The following L3MBTL4 variants were observed in gnomAD, a reference collection of about 807,000 sequenced individuals.
The protein encoded by L3MBTL4 is lethal(3)malignant brain tumor-like protein 4.
Under a neutral mutation model 84.5 loss-of-function variants are expected in L3MBTL4, and 70 were observed. The ratio of observed to expected loss-of-function variants is 0.83; its 90% CI spans 0.68 to 1.01. The LOEUF is 1.01. Ranked by LOEUF, L3MBTL4 falls within the 50% of genes least tolerant of loss-of-function variation. The probability of loss-of-function intolerance (pLI) is 0.00; values close to 1 mark genes in which losing one functional copy is unlikely to be tolerated. For missense variants in L3MBTL4, 715 were observed against 754.8 expected, an observed-to-expected ratio of 0.95 and a Z score of 0.62; for synonymous variants, 274 against 259.8, an observed-to-expected ratio of 1.05 and a Z score of -0.52.
Position 6,093,453 on chromosome 18 carries a change from T to C in L3MBTL4, c.1275A>G (p.Thr425=), listed in dbSNP as rs1280270621. The part of the protein sequence containing the change: ...ATLHDRLREQ[T]QANLESDSSH... ...AAGAGTCTGATTCCAAATTTGCCTGTGTTTGTTCTCTCAAACGATCGTGAA... is the reference window on the plus strand; with the variant it reads ...AAGAGTCTGATTCCAAATTTGCCTGCGTTTGTTCTCTCAAACGATCGTGAA... The change falls in exon 15 of 19, where the codon ACA becomes ACG. Residue 425 remains threonine (T), a synonymous_variant. Coordinates refer to ENST00000317931, the MANE Select transcript of L3MBTL4 (RefSeq NM_001330559.2). 1 of 1,614,166 alleles carries C rather than the reference T, an allele frequency of 6.2e-7. No homozygotes were observed. Among genetic ancestry groups the C allele is most frequent in the Admixed American group, 1.7e-5 (1 of 60,026 alleles).
rs1038541807 is a variant in L3MBTL4 at position 6,299,835 on chromosome 18, A to G, written c.127+2068T>C. Among the ~76,000 whole-genome samples the G allele has an allele frequency of 2.6e-5, 4 of 151,648 alleles. No homozygotes were observed. In the East Asian group the frequency reaches 5.8e-4, roughly 22 times the overall value. On this transcript the variant is annotated intron_variant, in intron 4 of 18. Coordinates refer to ENST00000317931, the MANE Select transcript of L3MBTL4 (RefSeq NM_001330559.2). ...CAGGTGCACACCACCAGACCCGGCT[A>G]TTTTTTTTGTATTTGTGGTAGAGAT...
At chr18:6,148,320 T>C (rs986727316) in intron 13 of L3MBTL4, among the ~76,000 whole-genome samples, 8 of 152,254 alleles carry the variant, frequency 5.3e-5, no homozygotes, top group Non-Finnish European at 1.0e-4. Context: ...GATTGTTTTA[T>C]TACTCAGTTT....
intron 16 of L3MBTL4, among the ~76,000 whole-genome samples, chr18:5,997,735 C>A (rs2054039813): frequency 6.6e-6 from 1 of 152,012 alleles, no homozygotes; most frequent in Non-Finnish European, 1.5e-5. Context: ...GGGCACATGT[C>A]CTCAGGACCT....
chr18:5,996,087 A>G (rs2053950364), intron 16 of L3MBTL4, among the ~76,000 whole-genome samples: 1 of 152,338 alleles, frequency 6.6e-6, no homozygotes, highest in Admixed American at 6.5e-5. Flanking sequence ...AACAAAAGAC[A>G]TCATTCTATT....
intron 12 of L3MBTL4, among the ~76,000 whole-genome samples, chr18:6,181,442 C>A (rs1279206128): frequency 6.6e-6 from 1 of 152,100 alleles, no homozygotes; most frequent in Non-Finnish European, 1.5e-5. Flanking sequence ...TCTCCTGCCT[C>A]AGCCTCCTGT....
chr18:6,121,538 G>A (rs192994618), intron 14 of L3MBTL4, among the ~76,000 whole-genome samples: 132 of 152,274 alleles, frequency 8.7e-4, no homozygotes, highest in African/African-American at 2.9e-3. Flanking sequence ...TTTTATTCCA[G>A]ATTGCTGATT....
In L3MBTL4 at chr18:6,213,156, C is replaced by G; in HGVS notation, c.974G>C (p.Arg325Thr). Reference protein sequence around the residue: ...VATIVDVDDQRVKVHFDGWDH... With the variant: ...VATIVDVDDQTVKVHFDGWDH... ...ATAATTTAAAATATGTACCTTTACT[C>G]TTTGGTCATCAACATCTACAATCGT... The change falls in exon 12 of 19, where the codon AGA (arginine) becomes ACA (threonine). Residue 325 changes from arginine to threonine, a missense_variant. Arg to Thr is a moderately conservative substitution (Grantham distance 71). Coordinates refer to ENST00000317931, the MANE Select transcript of L3MBTL4 (RefSeq NM_001330559.2). 1.3e-6 allele frequency: 2 copies of G among 1,564,410 alleles called. No individual in the cohort carries two copies. The highest frequency in any genetic ancestry group is 1.7e-6 in the Non-Finnish European group (2 of 1,147,796).
intron 16 of L3MBTL4, among the ~76,000 whole-genome samples, chr18:6,058,676 G>T (rs2057105604): frequency 6.6e-6 from 1 of 152,164 alleles, no homozygotes. Context: ...AAGCCTGGCA[G>T]TGCTGTGGGA....
chr18:6,168,409 A>G (rs371954291), intron 13 of L3MBTL4, among the ~76,000 whole-genome samples: 2 of 151,516 alleles, frequency 1.3e-5, no homozygotes, highest in Non-Finnish European at 3.0e-5. Flanking sequence ...GAGGCATCAC[A>G]CTACCTGACT....
intron 10 of L3MBTL4, among the ~76,000 whole-genome samples, chr18:6,223,430 A>G (rs2046644837): frequency 6.6e-6 from 1 of 152,212 alleles, no homozygotes; most frequent in African/African-American, 2.4e-5. Context: ...TATACAGATG[A>G]GTTGGAAGGA....
intron 16 of L3MBTL4, among the ~76,000 whole-genome samples, chr18:6,027,365 C>G (rs763968276): frequency 1.3e-5 from 2 of 152,188 alleles, no homozygotes; most frequent in African/African-American, 4.8e-5. Flanking sequence ...AGGACATGAA[C>G]TCACTCATGT....
intron 1 of L3MBTL4, among the ~76,000 whole-genome samples, chr18:6,357,145 T>C (rs2053484883): frequency 6.6e-6 from 1 of 152,124 alleles, no homozygotes; most frequent in African/African-American, 2.4e-5. Context: ...TCAAGTTAGC[T>C]CCCACCTGAA....
intron 16 of L3MBTL4, among the ~76,000 whole-genome samples, chr18:6,075,731 A>C (rs1396592712): frequency 6.6e-6 from 1 of 152,176 alleles, no homozygotes; most frequent in African/African-American, 2.4e-5. Flanking sequence ...GGCAAATGGT[A>C]GACTGGAGAA....
Position 5,967,169 on chromosome 18 carries a change from C to T in L3MBTL4, c.1614+2224G>A, listed in dbSNP as rs921306090. On this transcript the variant is annotated intron_variant, in intron 17 of 18. Coordinates refer to ENST00000317931, the MANE Select transcript of L3MBTL4 (RefSeq NM_001330559.2). ...GTGCACACTTTCTGCCCTGCCTCTGCGGCCTTTCAAACCAGGCCCATCTCC... is the reference window on the plus strand; with the variant it reads ...GTGCACACTTTCTGCCCTGCCTCTGTGGCCTTTCAAACCAGGCCCATCTCC... 2.0e-5 allele frequency among the ~76,000 whole-genome samples: 3 copies of T among 152,204 alleles called. 1 individual carries two copies. Among genetic ancestry groups the T allele is most frequent in the South Asian group, 4.2e-4 (2 of 4,816 alleles).
chr18:6,265,012 A>T (rs568525465), intron 4 of L3MBTL4, among the ~76,000 whole-genome samples: 2 of 152,362 alleles, frequency 1.3e-5, no homozygotes, highest in South Asian at 4.1e-4. Context: ...TGCTTTGTAG[A>T]CAACTGTCTA....
intron 16 of L3MBTL4, among the ~76,000 whole-genome samples, chr18:5,984,337 T>C (rs540214269): frequency 1.9e-4 from 29 of 152,270 alleles, no homozygotes; most frequent in Non-Finnish European, 3.8e-4. Flanking sequence ...CTGAATCCCA[T>C]TATTGAGCCA....
chr18:6,115,959 A>G (rs2059346131), intron 14 of L3MBTL4, among the ~76,000 whole-genome samples: 1 of 152,202 alleles, frequency 6.6e-6, no homozygotes, highest in Admixed American at 6.5e-5. Flanking sequence ...GAATTTCTGC[A>G]TGGGTTGGGC....
At chr18:6,303,332 G>T (rs910679773) in intron 3 of L3MBTL4, among the ~76,000 whole-genome samples, 1 of 152,012 alleles carries the variant, frequency 6.6e-6, no homozygotes, top group African/African-American at 2.4e-5. Flanking sequence ...TATTGGCCAG[G>T]CTGGTCTCAA....
intron 10 of L3MBTL4, among the ~76,000 whole-genome samples, chr18:6,223,126 A>C (rs1398370330): frequency 3.9e-5 from 6 of 151,952 alleles, no homozygotes; most frequent in Admixed American, 2.6e-4. Flanking sequence ...AGAGAATCTA[A>C]AAAAACCAAC....
Sources: gnomAD v4.1 joint callset for allele counts (sites outside exome capture counted in the v4.1 genomes callset) on GRCh38, gnomAD v4.1.1 for gene constraint, MANE v1.5 for transcripts, NCBI Gene and HGNC (gene_info 2026-07-23, HGNC 2026-07-21) for gene names.